Variants in RAP1GAP observed in about 807,000 individuals in gnomAD.
The protein encoded by RAP1GAP is RAP1 GTPase activating protein.
In RAP1GAP, 35 loss-of-function variants were observed where a neutral mutation model predicts 87.2. The observed-to-expected ratio is 0.40, with a 90% CI of 0.31 to 0.53. The LOEUF (loss-of-function observed/expected upper bound fraction) is 0.53. RAP1GAP is among the 20% of genes least tolerant of loss of function. RAP1GAP has a pLI of 0.48. For synonymous variants in RAP1GAP, 375 were observed against 363.9 expected (o/e 1.03, Z -0.35); for missense variants, 734 against 898.9 (o/e 0.82, Z 2.35).
chr1:21,607,428 G>C (rs906840961), intron 17 of RAP1GAP, among the ~76,000 whole-genome samples: 3 of 152,202 alleles, frequency 2.0e-5, no homozygotes, highest in East Asian at 3.9e-4. Flanking sequence ...AAGCTGGTAA[G>C]TAACAGAGCT....
At position 21,613,994 on chromosome 1, in the gene RAP1GAP, C is replaced by T; in HGVS notation, c.387G>A (p.Leu129=). 6.2e-7 allele frequency: 1 copy of T among 1,607,782 alleles called. No individual in the cohort carries two copies. The highest frequency in any genetic ancestry group is 8.5e-7 in the Non-Finnish European group (1 of 1,175,434). ...TCCCCCACCACCCTCACCTGAGCAG[C>T]AGCCGCAGGTGCTCTTGGTCCCCGA... is the stretch of plus-strand genomic sequence containing the variant. The part of the protein sequence containing the change: ...DVIGDQEHLR[L]LLRTKCRTYH... Residue 129 remains leucine, a synonymous_variant, in exon 8 of 25, where the codon CTG becomes CTA. Coordinates refer to ENST00000374765, the MANE Select transcript of RAP1GAP (RefSeq NM_002885.4). The surrounding 1 kb of genome is among the most constrained non-coding windows in gnomAD (Gnocchi z 4.7).
chr1:21,646,373 C>G (rs1278912439), intron 2 of RAP1GAP, among the ~76,000 whole-genome samples: 1 of 152,250 alleles, frequency 6.6e-6, no homozygotes, highest in Non-Finnish European at 1.5e-5. Context: ...TGTCTCTGAC[C>G]TAGGTCCCTT....
Position 21,605,659 on chromosome 1 carries a change from G to A in RAP1GAP, c.1428+407C>T, listed in dbSNP as rs548424316. ...GACACACAGTGGGTGCCCACAGCCC[G>A]ACACACAGTAGGTGCTCCCAGAAAC... On this transcript the variant is annotated intron_variant, in intron 18 of 24. Transcript: ENST00000374765. Among the ~76,000 whole-genome samples the A allele has an allele frequency of 2.0e-3, 306 of 151,984 alleles. 2 individuals carry two copies. Among genetic ancestry groups the A allele is most frequent in the African/African-American group, 6.8e-3 (281 of 41,436 alleles).
chr1:21,663,122 C>T (rs888234007), intron 1 of RAP1GAP, among the ~76,000 whole-genome samples: 8 of 152,198 alleles, frequency 5.3e-5, no homozygotes, highest in Admixed American at 1.3e-4. Context: ...ACCTCTCCAG[C>T]CAGGGAGGGC....
chr1:21,597,488 C>T (rs920821745), intron 24 of RAP1GAP, among the ~76,000 whole-genome samples, 198 bp downstream of exon 24: 4 of 152,222 alleles, frequency 2.6e-5, no homozygotes, highest in Non-Finnish European at 5.9e-5. Flanking sequence ...TCAAATCCTC[C>T]AACAATGCAA....
intron 2 of RAP1GAP, 58 bp downstream of exon 2, chr1:21,649,703 G>A: frequency 6.6e-7 from 1 of 1,505,864 alleles, no homozygotes; most frequent in Admixed American, 2.0e-5. Context: ...TGGATTGGGG[G>A]TATCTGCAGG....
In RAP1GAP at chr1:21,614,002, G is replaced by C. The variant is rs747877406; in HGVS notation, c.379C>G (p.Leu127Val). Residue 127 changes from leucine (L) to valine (V), a missense_variant, in exon 8 of 25, where the codon CTG becomes GTG. Physicochemically the swap from Leu to Val is conservative, Grantham distance 32. Around this residue, in one of 2 missense-constraint regions of RAP1GAP, gnomAD observed 485 missense variants for 646.2 expected, o/e 0.75. Coordinates refer to ENST00000374765, the MANE Select transcript of RAP1GAP (RefSeq NM_002885.4). The stretch of plus-strand genomic sequence containing the variant: ...CACCCTCACCTGAGCAGCAGCCGCA[G>C]GTGCTCTTGGTCCCCGATGACATCG... ...KYDVIGDQEH[L>V]RLLLRTKCRT... 1 of 1,610,842 alleles carries C rather than the reference G, an allele frequency of 6.2e-7. No individual in the cohort carries two copies. The highest frequency in any genetic ancestry group is 8.5e-7 in the Non-Finnish European group (1 of 1,177,764).
At chr1:21,650,020 G>A (rs2096432751) in intron 1 of RAP1GAP, among the ~76,000 whole-genome samples, 1 of 151,780 alleles carries the variant, frequency 6.6e-6, no homozygotes, top group Non-Finnish European at 1.5e-5. Context: ...AGGAAAAGAG[G>A]CAGGACTGGG....
intron 22 of RAP1GAP, 74 bp from the exon 23 acceptor site, chr1:21,598,138 C>T (rs763169580): frequency 4.8e-4 from 485 of 1,002,700 alleles, no homozygotes; most frequent in Non-Finnish European, 6.4e-4. Flanking sequence ...CATAGGTGGG[C>T]GGTCGGCACC....
At chr1:21,612,552 C>T (rs2149396701) in intron 10 of RAP1GAP, among the ~76,000 whole-genome samples, 1 of 152,302 alleles carries the variant, frequency 6.6e-6, no homozygotes, top group East Asian at 1.9e-4. Context: ...TCACCTTAGG[C>T]CTCAGTTTCC....
intron 2 of RAP1GAP, among the ~76,000 whole-genome samples, chr1:21,640,548 T>C (rs1009026566): frequency 4.4e-4 from 67 of 152,138 alleles, no homozygotes; most frequent in African/African-American, 1.5e-3. Flanking sequence ...TGTGTGTACA[T>C]GTAATGGGTC....
chr1:21,601,166 G>A (rs934335876), intron 20 of RAP1GAP, among the ~76,000 whole-genome samples: 3 of 151,946 alleles, frequency 2.0e-5, no homozygotes, highest in Non-Finnish European at 4.4e-5. Context: ...CAGGTAGGTG[G>A]ACTCCAGGCA....
intron 1 of RAP1GAP, among the ~76,000 whole-genome samples, chr1:21,659,479 C>G (rs2097021389): frequency 6.6e-6 from 1 of 152,106 alleles, no homozygotes; most frequent in East Asian, 1.9e-4. Flanking sequence ...CTCTCCCCGG[C>G]GCCAGGCGCC....
chr1:21,639,801 T>TCGG (rs2095334061), intron 2 of RAP1GAP, among the ~76,000 whole-genome samples: 1 of 151,810 alleles, frequency 6.6e-6, no homozygotes, highest in African/African-American at 2.4e-5. Flanking sequence ...TTCCTGGGAG[T>TCGG]CGGCACCGGG....
intron 2 of RAP1GAP, among the ~76,000 whole-genome samples, chr1:21,628,400 TAAAA>T (rs528098037): frequency 2.6e-3 from 136 of 52,376 alleles, no homozygotes; most frequent in African/African-American, 7.0e-3. Context: ...CCATCTCTAC[TAAAA>T]AAAAAAAAAA....
Position 21,599,733 on chromosome 1 carries a change from T to C in RAP1GAP, c.1653-116A>G, listed in dbSNP as rs186816596. 25 of 1,402,914 alleles carry C rather than the reference T, an allele frequency of 1.8e-5. No homozygotes were observed. The East Asian group carries it at 4.2e-4, about 23-fold the overall frequency. 86.9% of individuals were successfully genotyped at this position (1,402,914 alleles called of 1,614,324 possible). ...CCCAGCTGGTAGCAGCCAAGCACCT[T>C]TGAGGACCCCTTACAGATCCTTGGG... On this transcript the variant is annotated intron_variant, in intron 20 of 24. Transcript: ENST00000374765.
chr1:21,597,856 G>C (rs1646041758), intron 23 of RAP1GAP, 105 bp downstream of exon 23: 4 of 1,505,178 alleles, frequency 2.7e-6, no homozygotes. Context: ...GCCTAGCGGG[G>C]CCTAGGGGGA....
At chr1:21,626,226 T>C in intron 3 of RAP1GAP, 78 bp downstream of exon 3, 2 of 1,300,168 alleles carry the variant, frequency 1.5e-6, no homozygotes, top group Non-Finnish European at 2.2e-6. Context: ...AAGTCATTCT[T>C]GGGCCTTTCC....
chr1:21,624,791 C>T lies in RAP1GAP; in HGVS notation c.-19+1513G>A, dbSNP rs147277842. On this transcript the variant is annotated intron_variant, in intron 3 of 24. Transcript: ENST00000374765. ...GAGGGGAGGCAGCTTTTCAATAATC[C>T]GAGAAGGCCAACCCCAGGCTGTCTA... is the stretch of plus-strand genomic sequence containing the variant. Among the ~76,000 whole-genome samples, 51 of 152,190 alleles carry T rather than the reference C, an allele frequency of 3.4e-4. No homozygotes were observed. In the East Asian group the frequency reaches 7.4e-3, roughly 22 times the overall value.
Sources: gnomAD v4.1 joint callset for allele counts (sites outside exome capture counted in the v4.1 genomes callset) on GRCh38, gnomAD v4.1.1 for gene constraint, gnomAD v4.1.1 regional missense constraint, Gnocchi (gnomAD v3.1) non-coding constraint, MANE v1.5 for transcripts, NCBI Gene and HGNC (gene_info 2026-07-23, HGNC 2026-07-21) for gene names.